The following SLC24A2 variants were observed in gnomAD, a reference collection of about 807,000 sequenced individuals.
SLC24A2 encodes the protein solute carrier family 24 member 2.
In SLC24A2, 36 loss-of-function variants were observed where a neutral mutation model predicts 62.0. The observed-to-expected ratio is 0.58, with a 90% CI of 0.44 to 0.77. The LOEUF is 0.77. SLC24A2 is among the 30% of genes least tolerant of loss of function. The probability of loss-of-function intolerance (pLI) is 0.00; values close to 1 mark genes in which losing one functional copy is unlikely to be tolerated. For missense variants in SLC24A2, 846 were observed against 817.9 expected (o/e 1.03, Z -0.42); for synonymous variants, 358 against 294.0 (o/e 1.22, Z -2.23).
the SLC24A2 span, among the ~76,000 whole-genome samples, chr9:20,140,067 G>C: frequency 6.6e-6 from 1 of 152,204 alleles, no homozygotes; most frequent in Non-Finnish European, 1.5e-5. Flanking sequence ...ATTGAAAAGA[G>C]AATACAACCC....
the SLC24A2 span, among the ~76,000 whole-genome samples, chr9:20,069,055 TG>T: frequency 2.0e-5 from 1 of 49,990 alleles, no homozygotes. Context: ...AAACTACTCT[TG>T]TTTTTCCTAC....
At chr9:20,141,028 G>T in the SLC24A2 span, among the ~76,000 whole-genome samples, 1 of 152,072 alleles carries the variant, frequency 6.6e-6, no homozygotes, top group Non-Finnish European at 1.5e-5. Flanking sequence ...CTCCTCAGAA[G>T]ATTTCTGTAT....
At chr9:20,184,918 A>G in the SLC24A2 span, among the ~76,000 whole-genome samples, 13 of 152,286 alleles carry the variant, frequency 8.5e-5, no homozygotes, top group African/African-American at 2.6e-4. Flanking sequence ...ATACTATTCA[A>G]CCTAAGGAAA....
chr9:19,776,679 GT>G (rs1227015175), intron 2 of SLC24A2, among the ~76,000 whole-genome samples: 1 of 152,196 alleles, frequency 6.6e-6, no homozygotes, highest in African/African-American at 2.4e-5. Context: ...GCTTGGTCAA[GT>G]CAATTAAATC....
the SLC24A2 span, among the ~76,000 whole-genome samples, chr9:19,863,222 G>A: frequency 6.6e-6 from 1 of 152,008 alleles, no homozygotes; most frequent in African/African-American, 2.4e-5. Flanking sequence ...ACCCAACACT[G>A]GAGCACCCAG....
chr9:19,851,003 A>G, the SLC24A2 span, among the ~76,000 whole-genome samples: 65 of 37,698 alleles, frequency 1.7e-3, 2 homozygotes, highest in African/African-American at 5.7e-3. Context: ...ATATATATAC[A>G]CATACATATA....
chr9:19,524,137 C>CAAAAAAAAAAAAAAAAAAAAAAAA (rs57173482), intron 9 of SLC24A2, among the ~76,000 whole-genome samples: 1 of 84,704 alleles, frequency 1.2e-5, no homozygotes. Context: ...ACTTCATTTT[C>CAAAAAAAAAAAAAAAAAAAAAAAA]AAAAAAAAAA....
the SLC24A2 span, among the ~76,000 whole-genome samples, chr9:20,098,056 C>T: frequency 1.3e-5 from 2 of 151,916 alleles, no homozygotes; most frequent in South Asian, 4.2e-4. Context: ...CTTAAATAAT[C>T]TTAAGAAGAT....
the SLC24A2 span, among the ~76,000 whole-genome samples, chr9:20,098,753 C>T: frequency 6.6e-6 from 1 of 152,188 alleles, no homozygotes; most frequent in African/African-American, 2.4e-5. Context: ...GTGACTGTCT[C>T]TTTGTAAAAC....
At chr9:19,545,424 T>C (rs768322230) in intron 8 of SLC24A2, among the ~76,000 whole-genome samples, 4 of 152,134 alleles carry the variant, frequency 2.6e-5, no homozygotes, top group Non-Finnish European at 4.4e-5. Flanking sequence ...TGAAGCTTAC[T>C]TCTGTCGAGT....
At chr9:19,934,523 C>T in the SLC24A2 span, among the ~76,000 whole-genome samples, 44 of 152,314 alleles carry the variant, frequency 2.9e-4, no homozygotes, top group African/African-American at 1.0e-3. The surrounding 1 kb of genome is among the most constrained non-coding windows in gnomAD (Gnocchi z 4.1). Flanking sequence ...CGTTCCGGCC[C>T]CCGTGCACCG....
chr9:19,667,716 C>G (rs1339406743), intron 2 of SLC24A2, among the ~76,000 whole-genome samples: 2 of 152,196 alleles, frequency 1.3e-5, no homozygotes, highest in Non-Finnish European at 2.9e-5. Context: ...TCAGAATGAT[C>G]TCTTCCTCCT....
At chr9:20,199,378 T>A in the SLC24A2 span, among the ~76,000 whole-genome samples, 2 of 152,184 alleles carry the variant, frequency 1.3e-5, no homozygotes, top group East Asian at 3.9e-4. Context: ...GTTCTTCCCA[T>A]CCTCAGAGAG....
chr9:19,877,515 C>T, the SLC24A2 span, among the ~76,000 whole-genome samples: 1 of 151,630 alleles, frequency 6.6e-6, no homozygotes, highest in Non-Finnish European at 1.5e-5. Flanking sequence ...CAGAAACCGA[C>T]CTCAAGTGTG....
At chr9:20,304,616 A>G in the SLC24A2 span, among the ~76,000 whole-genome samples, 1 of 152,240 alleles carries the variant, frequency 6.6e-6, no homozygotes, top group Non-Finnish European at 1.5e-5. Flanking sequence ...CAGAATAAAC[A>G]TAAAACCCAG....
chr9:19,673,619 T>G (rs1819482435), intron 2 of SLC24A2, among the ~76,000 whole-genome samples: 1 of 152,198 alleles, frequency 6.6e-6, no homozygotes, highest in Non-Finnish European at 1.5e-5. Context: ...CAGCTAATTT[T>G]TTGTGTTTTT....
In SLC24A2 at chr9:19,554,556, T is replaced by G. The variant is rs185747063; in HGVS notation, c.1348-4288A>C. Among the ~76,000 whole-genome samples the G allele has an allele frequency of 2.5e-3, 376 of 152,330 alleles. 1 individual carries two copies. Among genetic ancestry groups the G allele is most frequent in the African/African-American group, 8.6e-3 (359 of 41,588 alleles). The stretch of plus-strand genomic sequence containing the variant: ...TTTATGCTTTAACAAATGGAAAGCT[T>G]GCTTTTACCTAGGCTTGGAATAAAG... On this transcript the variant is annotated intron_variant, in intron 7 of 10. Transcript: ENST00000341998.
chr9:19,974,646 G>T, the SLC24A2 span, among the ~76,000 whole-genome samples: 1 of 152,128 alleles, frequency 6.6e-6, no homozygotes, highest in Non-Finnish European at 1.5e-5. Context: ...CACCATATAG[G>T]ATTAGTTAGA....
chr9:20,267,660 C>T, the SLC24A2 span, among the ~76,000 whole-genome samples: 1 of 152,208 alleles, frequency 6.6e-6, no homozygotes, highest in East Asian at 1.9e-4. Flanking sequence ...ACTGTGTCTG[C>T]CACATAGTAG....
Sources: allele counts gnomAD v4.1 joint callset (sites outside exome capture counted in the v4.1 genomes callset), GRCh38; gene constraint gnomAD v4.1.1; non-coding constraint Gnocchi (gnomAD v3.1); transcripts MANE v1.5; gene names NCBI Gene and HGNC (gene_info 2026-07-23, HGNC 2026-07-21).